The following NLGN1 variants were observed in gnomAD, a reference collection of about 807,000 sequenced individuals.
NLGN1 encodes neuroligin-1.
In NLGN1, 12 loss-of-function variants were observed where a neutral mutation model predicts 65.5. That is an observed-to-expected ratio of 0.18 (90% CI 0.12 to 0.30). The LOEUF (loss-of-function observed/expected upper bound fraction) is 0.30. Among genes scored for constraint, NLGN1 ranks in the 10% least tolerant of loss-of-function variants. NLGN1 has a pLI of 1.00. For missense variants in NLGN1, 750 were observed against 1,007.1 expected, an observed-to-expected ratio of 0.74 and a Z score of 3.46; for synonymous variants, 350 against 359.5, an observed-to-expected ratio of 0.97 and a Z score of 0.30.
At chr3:174,126,186 GTTTC>G (rs943940493) in intron 4 of NLGN1, among the ~76,000 whole-genome samples, 11 of 152,016 alleles carry the variant, frequency 7.2e-5, no homozygotes, top group African/African-American at 2.2e-4. Flanking sequence ...TATTGTCACT[GTTTC>G]TTTGTTTGTT....
At chr3:174,281,152 C>T (rs2152895485) in exon 7 of NLGN1, 2 of 1,613,292 alleles carry the variant, frequency 1.2e-6, no homozygotes, top group East Asian at 2.2e-5. Context: ...GATGATGTTC[C>T]CTTAATGACA....
intron 3 of NLGN1, among the ~76,000 whole-genome samples, chr3:173,633,003 T>C (rs1413271417): frequency 6.6e-6 from 1 of 152,086 alleles, no homozygotes; most frequent in Non-Finnish European, 1.5e-5. Flanking sequence ...AATATTTTTC[T>C]CTTGTGATAC....
chr3:173,540,533 C>T (rs577189862), intron 2 of NLGN1, among the ~76,000 whole-genome samples: 141 of 152,286 alleles, frequency 9.3e-4, no homozygotes, highest in Non-Finnish European at 1.8e-3. Flanking sequence ...GGCTCTTAAA[C>T]CCTCCACCTG....
intron 4 of NLGN1, among the ~76,000 whole-genome samples, chr3:173,924,720 A>G (rs1248973716): frequency 6.6e-6 from 1 of 152,158 alleles, no homozygotes; most frequent in African/African-American, 2.4e-5. Context: ...GTATGTTGGG[A>G]ATTATATATT....
At chr3:173,778,386 ATG>A (rs1780637213) in intron 3 of NLGN1, among the ~76,000 whole-genome samples, 1 of 151,834 alleles carries the variant, frequency 6.6e-6, no homozygotes. Context: ...TTATTAGGCG[ATG>A]GTTTTAGGAA....
At chr3:174,113,802 G>C (rs1715748727) in intron 4 of NLGN1, among the ~76,000 whole-genome samples, 1 of 152,000 alleles carries the variant, frequency 6.6e-6, no homozygotes, top group Admixed American at 6.6e-5. Flanking sequence ...ATTTTGATTA[G>C]TTCCTTGTCA....
chr3:173,646,307 A>G (rs1758266084), intron 3 of NLGN1, among the ~76,000 whole-genome samples: 1 of 152,248 alleles, frequency 6.6e-6, no homozygotes, highest in South Asian at 2.1e-4. Context: ...ACCAGTAGAA[A>G]GTAGGACTAA....
intron 3 of NLGN1, among the ~76,000 whole-genome samples, chr3:173,675,283 T>C (rs992332092): frequency 1.3e-5 from 2 of 152,126 alleles, no homozygotes; most frequent in Admixed American, 6.6e-5. Flanking sequence ...ATTCTTTTTT[T>C]CCCACTTTTT....
intron 1 of NLGN1, among the ~76,000 whole-genome samples, chr3:173,415,959 T>C (rs1452924104): frequency 7.1e-6 from 1 of 141,578 alleles, no homozygotes; most frequent in African/African-American, 2.7e-5. Flanking sequence ...GTATAGAGCC[T>C]AACACACAAT....
At chr3:173,755,739 T>TA in intron 3 of NLGN1, among the ~76,000 whole-genome samples, 1 of 152,234 alleles carries the variant, frequency 6.6e-6, no homozygotes, top group South Asian at 2.1e-4. Flanking sequence ...AAGCGCAATG[T>TA]AAAGTTGACA....
At chr3:173,811,430 G>A (rs912756624) in intron 4 of NLGN1, among the ~76,000 whole-genome samples, 2 of 151,962 alleles carry the variant, frequency 1.3e-5, no homozygotes, top group Non-Finnish European at 2.9e-5. Flanking sequence ...TTGGCGTGGT[G>A]GTGGGTGCCT....
At chr3:173,792,553 T>G (rs1330374708) in intron 3 of NLGN1, among the ~76,000 whole-genome samples, 1 of 152,030 alleles carries the variant, frequency 6.6e-6, no homozygotes, top group African/African-American at 2.4e-5. Context: ...AATAAGAACT[T>G]TAAGGAATCA....
chr3:173,724,213 A>G (rs1771370353), intron 3 of NLGN1, among the ~76,000 whole-genome samples: 2 of 152,230 alleles, frequency 1.3e-5, no homozygotes, highest in Non-Finnish European at 2.9e-5. Flanking sequence ...CCCTGTATAG[A>G]TGCTGTTTAA....
chr3:173,829,223 T>A (rs962539356), intron 4 of NLGN1, among the ~76,000 whole-genome samples: 1 of 152,060 alleles, frequency 6.6e-6, no homozygotes, highest in Non-Finnish European at 1.5e-5. Flanking sequence ...GAGGAACAAC[T>A]TTTTGGCAAG....
At chr3:173,779,035 A>G (rs150191523) in intron 3 of NLGN1, among the ~76,000 whole-genome samples, 105 of 151,712 alleles carry the variant, frequency 6.9e-4, no homozygotes, top group African/African-American at 2.4e-3. Flanking sequence ...TTAAAATATG[A>G]AATACTTTAA....
At chr3:174,197,733 A>G (rs919769121) in intron 4 of NLGN1, among the ~76,000 whole-genome samples, 1 of 140,086 alleles carries the variant, frequency 7.1e-6, no homozygotes, top group Non-Finnish European at 1.6e-5. Flanking sequence ...GTGACTTTCA[A>G]AATAATTCCC....
At chr3:173,977,292 C>T (rs1295745091) in intron 4 of NLGN1, among the ~76,000 whole-genome samples, 1 of 151,120 alleles carries the variant, frequency 6.6e-6, no homozygotes, top group East Asian at 2.0e-4. Context: ...GGCAGTTAAG[C>T]AAATAGGAGG....
chr3:173,684,032 A>C (rs1044437843), intron 3 of NLGN1, among the ~76,000 whole-genome samples: 10 of 152,240 alleles, frequency 6.6e-5, no homozygotes, highest in African/African-American at 2.4e-4. Flanking sequence ...TTACACAGTA[A>C]ACTGTGTAAA....
intron 2 of NLGN1, among the ~76,000 whole-genome samples, chr3:173,516,713 T>G (rs1018256299): frequency 3.3e-5 from 5 of 152,206 alleles, no homozygotes; most frequent in Admixed American, 2.0e-4. Context: ...ACTTTATGTA[T>G]GTTCTTCATA....
Sources: allele counts gnomAD v4.1 joint callset (sites outside exome capture counted in the v4.1 genomes callset), GRCh38; gene constraint gnomAD v4.1.1; transcripts MANE v1.5; gene names NCBI Gene and HGNC (gene_info 2026-07-23, HGNC 2026-07-21).